BRINP3: variants seen among roughly 807,000 people sequenced by gnomAD.
BRINP3 encodes BMP/retinoic acid inducible neural specific 3.
A neutral mutation model predicts 71.0 loss-of-function variants in BRINP3; 19 were observed. That is an observed-to-expected ratio of 0.27 (90% confidence interval 0.19 to 0.39). The LOEUF (loss-of-function observed/expected upper bound fraction) is 0.39, where lower values mean the gene tolerates loss of function less well. BRINP3 is among the 10% of genes least tolerant of loss of function. The pLI is 1.00. For missense variants in BRINP3, 959 were observed against 940.8 expected, an observed-to-expected ratio of 1.02 and a Z score of -0.25; for synonymous variants, 380 against 337.7, an observed-to-expected ratio of 1.13 and a Z score of -1.37.
At chr1:190,268,401 T>C (rs1214722408) in intron 3 of BRINP3, among the ~76,000 whole-genome samples, 1 of 152,050 alleles carries the variant, frequency 6.6e-6, no homozygotes, top group Non-Finnish European at 1.5e-5. Flanking sequence ...ACCTTGTAAA[T>C]ACTTCTTTAA....
chr1:190,358,950 G>T (rs927917589), intron 2 of BRINP3, among the ~76,000 whole-genome samples: 3 of 151,966 alleles, frequency 2.0e-5, no homozygotes, highest in African/African-American at 7.3e-5. Flanking sequence ...TCATAGGTGG[G>T]AATTGAACAA....
chr1:190,446,428 T>C (rs1675223703), intron 2 of BRINP3, among the ~76,000 whole-genome samples: 1 of 151,992 alleles, frequency 6.6e-6, no homozygotes, highest in Non-Finnish European at 1.5e-5. Flanking sequence ...TTCTTCAATA[T>C]AACATACAAG....
intron 1 of BRINP3, among the ~76,000 whole-genome samples, chr1:190,474,125 C>T (rs1405893256): frequency 1.3e-5 from 2 of 152,190 alleles, no homozygotes; most frequent in Admixed American, 1.3e-4. Flanking sequence ...ATTTCTTCTT[C>T]TAACTCTCTA....
chr1:190,431,702 G>T (rs1287713482), intron 2 of BRINP3, among the ~76,000 whole-genome samples: 2 of 151,878 alleles, frequency 1.3e-5, no homozygotes, highest in South Asian at 2.1e-4. Context: ...AAAATGTGAA[G>T]ATTTCACTTC....
intron 6 of BRINP3, among the ~76,000 whole-genome samples, chr1:190,188,639 T>C (rs1323149296): frequency 3.3e-5 from 5 of 152,146 alleles, no homozygotes; most frequent in Non-Finnish European, 7.4e-5. Context: ...GTTCAGCTAA[T>C]GTATTGTATC....
chr1:190,137,616 G>T (rs751012004), intron 7 of BRINP3, among the ~76,000 whole-genome samples: 10 of 151,972 alleles, frequency 6.6e-5, no homozygotes, highest in Admixed American at 6.6e-4. Flanking sequence ...AGCAAAACCC[G>T]TACAGTTTTT....
At chr1:190,437,598 A>C (rs896581242) in intron 2 of BRINP3, among the ~76,000 whole-genome samples, 2 of 151,786 alleles carry the variant, frequency 1.3e-5, no homozygotes, top group Non-Finnish European at 3.0e-5. Flanking sequence ...ATGGTAATAC[A>C]CTCACGTGCA....
At chr1:190,145,739 C>T (rs563704249) in intron 7 of BRINP3, among the ~76,000 whole-genome samples, 1 of 152,124 alleles carries the variant, frequency 6.6e-6, no homozygotes, top group African/African-American at 2.4e-5. Context: ...TTTATAGCAT[C>T]ACAATTTGCA....
At chr1:190,267,841 T>G (rs1316718549) in intron 3 of BRINP3, among the ~76,000 whole-genome samples, 1 of 152,034 alleles carries the variant, frequency 6.6e-6, no homozygotes, top group African/African-American at 2.4e-5. Flanking sequence ...CCCCAAAAAA[T>G]TAACATACCC....
intron 1 of BRINP3, among the ~76,000 whole-genome samples, chr1:190,471,275 T>C (rs1393515045): frequency 6.6e-6 from 1 of 151,216 alleles, no homozygotes; most frequent in Non-Finnish European, 1.5e-5. Flanking sequence ...GTGTTCATTA[T>C]TAAATTTTAT....
At position 190,105,164 on chromosome 1, in the gene BRINP3, T is replaced by G. The variant is rs543001201; in HGVS notation, c.1185-6030A>C. On this transcript the variant is annotated intron_variant, in intron 7 of 7. Transcript: ENST00000367462. The stretch of plus-strand genomic sequence containing the variant: ...CTGGCCATCTCAGTTTTGGCAGCGT[T>G]GCCTAGGGCTGATGTTGACACTCCT... 2.4e-4 allele frequency among the ~76,000 whole-genome samples: 36 copies of G among 152,150 alleles called. No homozygotes were observed. In the South Asian group the frequency reaches 2.9e-3, roughly 12 times the overall value.
At chr1:190,298,708 T>C (rs903188225) in intron 2 of BRINP3, among the ~76,000 whole-genome samples, 5 of 152,150 alleles carry the variant, frequency 3.3e-5, no homozygotes, top group African/African-American at 1.2e-4. Flanking sequence ...TGATCATTAT[T>C]AGTTGAGATT....
intron 7 of BRINP3, among the ~76,000 whole-genome samples, chr1:190,156,687 T>C (rs547445136): frequency 6.6e-6 from 1 of 152,128 alleles, no homozygotes; most frequent in South Asian, 2.1e-4. Flanking sequence ...GTGTGTGTGG[T>C]GACTAATAGT....
intron 1 of BRINP3, among the ~76,000 whole-genome samples, chr1:190,466,136 A>G (rs1010614793): frequency 4.1e-4 from 52 of 127,868 alleles, no homozygotes; most frequent in Admixed American, 3.5e-3. Context: ...TCAGTTTTAC[A>G]AAGTTTTTTT....
chr1:190,370,708 A>G (rs539253481), intron 2 of BRINP3, among the ~76,000 whole-genome samples: 23 of 152,358 alleles, frequency 1.5e-4, no homozygotes, highest in African/African-American at 5.5e-4. Context: ...CTCCTGCCAC[A>G]GAACTAGAAC....
At chr1:190,100,959 C>G (rs747763567) in intron 7 of BRINP3, among the ~76,000 whole-genome samples, 1 of 151,994 alleles carries the variant, frequency 6.6e-6, no homozygotes, top group South Asian at 2.1e-4. Flanking sequence ...CAGATTAATG[C>G]CCTTATCTTG....
chr1:190,450,367 A>G (rs1435591455), intron 2 of BRINP3, among the ~76,000 whole-genome samples: 5 of 152,168 alleles, frequency 3.3e-5, no homozygotes, highest in Non-Finnish European at 5.9e-5. Flanking sequence ...AACTACTTCA[A>G]TGCCTCTCAT....
chr1:190,226,217 T>C lies in BRINP3; in HGVS notation c.826A>G (p.Asn276Asp), dbSNP rs200881118. Residue 276 changes from asparagine (N) to aspartate (D), a missense_variant, in exon 6 of 8, where the codon AAT (asparagine) becomes GAT (aspartate). Coordinates refer to ENST00000367462, the MANE Select transcript of BRINP3 (RefSeq NM_199051.3). ...GGACCACAGTGACACCAGCAGTCATTTTCCTTGCAGATAAACTCTCCCTCT... is the reference window on the plus strand; with the variant it reads ...GGACCACAGTGACACCAGCAGTCATCTTCCTTGCAGATAAACTCTCCCTCT... ...NSEGEFICKE[N>D]DCWCHCGPKF... The C allele has an allele frequency of 1.9e-5, 30 of 1,612,734 alleles. No homozygotes were observed. In the East Asian group the frequency reaches 6.3e-4, roughly 34 times the overall value.
At chr1:190,413,913 C>T (rs1466065326) in intron 2 of BRINP3, among the ~76,000 whole-genome samples, 1 of 151,884 alleles carries the variant, frequency 6.6e-6, no homozygotes, top group Non-Finnish European at 1.5e-5. Context: ...AAAATGTTAA[C>T]AGGAATTACA....
Sources: allele counts gnomAD v4.1 joint callset (sites outside exome capture counted in the v4.1 genomes callset), GRCh38; gene constraint gnomAD v4.1.1; transcripts MANE v1.5; gene names NCBI Gene and HGNC (gene_info 2026-07-23, HGNC 2026-07-21).